The following ADAMTS9 variants were observed in gnomAD, a reference collection of about 807,000 sequenced individuals.
ADAMTS9 encodes A disintegrin and metalloproteinase with thrombospondin motifs 9.
A neutral mutation model predicts 257.1 loss-of-function variants in ADAMTS9; 107 were observed. That is an observed-to-expected ratio of 0.42 (90% confidence interval 0.36 to 0.49). The LOEUF is 0.49. ADAMTS9 is among the 20% of genes least tolerant of loss of function. The pLI is 0.03. For missense variants in ADAMTS9, 2,353 were observed against 2,469.1 expected, an observed-to-expected ratio of 0.95 and a Z score of 1.00; for synonymous variants, 982 against 880.9, an observed-to-expected ratio of 1.11 and a Z score of -2.03.
At chr3:64,548,599 G>A (rs1260434444) in intron 31 of ADAMTS9, among the ~76,000 whole-genome samples, 1 of 151,674 alleles carries the variant, frequency 6.6e-6, no homozygotes, top group Non-Finnish European at 1.5e-5. Context: ...ATTTATGTGG[G>A]GGGGAGCCCA....
chr3:64,530,085 A>G (rs1230804981), intron 38 of ADAMTS9, among the ~76,000 whole-genome samples: 3 of 135,826 alleles, frequency 2.2e-5, no homozygotes, highest in Non-Finnish European at 3.0e-5. Flanking sequence ...CAGCCTTCCC[A>G]AGTGCTGGGA....
intron 30 of ADAMTS9, among the ~76,000 whole-genome samples, chr3:64,552,933 A>T: frequency 6.6e-6 from 1 of 151,862 alleles, no homozygotes; most frequent in African/African-American, 2.4e-5. Flanking sequence ...TTTTCATCTA[A>T]TGGGCAGCCT....
At chr3:64,532,026 TC>T (rs1272380219) in intron 38 of ADAMTS9, among the ~76,000 whole-genome samples, 2 of 152,036 alleles carry the variant, frequency 1.3e-5, no homozygotes, top group African/African-American at 4.8e-5. Flanking sequence ...TCCTGCCAGG[TC>T]CCCCCACCCT....
At chr3:64,555,810 A>G (rs1326831280) in intron 30 of ADAMTS9, among the ~76,000 whole-genome samples, 1 of 152,116 alleles carries the variant, frequency 6.6e-6, no homozygotes, top group Non-Finnish European at 1.5e-5. Flanking sequence ...GAGAAATGGC[A>G]TGGGTGGAGA....
chr3:64,622,413 T>C lies in ADAMTS9; in HGVS notation c.2556+7A>G, dbSNP rs976612261. The C allele has an allele frequency of 6.2e-7, 1 of 1,613,780 alleles. No individual in the cohort carries two copies. The highest frequency in any genetic ancestry group is 1.7e-5 in the Admixed American group (1 of 59,980). On this transcript the variant is annotated splice_region_variant and intron_variant, in intron 17 of 39. Transcript: ENST00000498707. Reference sequence around the variant, plus strand: ...AAAGGGTGGTGGGCTCATGGTCAAGTTTTTACCTGAAGCAAAAGTTCTTGC... The same window carrying C: ...AAAGGGTGGTGGGCTCATGGTCAAGCTTTTACCTGAAGCAAAAGTTCTTGC...
Position 64,687,429 on chromosome 3 carries a change from A to T in ADAMTS9, c.115+114T>A. On this transcript the variant is annotated intron_variant, in intron 1 of 39. Coordinates refer to ENST00000498707, the MANE Select transcript of ADAMTS9 (RefSeq NM_182920.2). This position sits in a 1 kb window ranked among gnomAD's most constrained non-coding sequence, Gnocchi z 4.4. ...AGGGAGAGGCTGCAAAGCGGGAGAT[A>T]ATTCTTTCTAGGAAAAGGAGAGAAG... 1.2e-6 allele frequency: 1 copy of T among 865,710 alleles called. No homozygotes were observed. Among genetic ancestry groups the T allele is most frequent in the Non-Finnish European group, 1.7e-6 (1 of 584,188 alleles). 53.6% of individuals were successfully genotyped at this position (865,710 alleles called of 1,614,324 possible).
At position 64,623,243 on chromosome 3, in the gene ADAMTS9, C is replaced by T. The variant is rs185160013; in HGVS notation, c.2390-657G>A. 3.3e-5 allele frequency among the ~76,000 whole-genome samples: 5 copies of T among 152,290 alleles called. No individual in the cohort carries two copies. In the East Asian group the frequency reaches 7.7e-4, roughly 24 times the overall value. ...CTAGGACAATGCAGAAACAACAGAA[C>T]CTGACTTCTAAGGCAAGGCCAAAGG... On this transcript the variant is annotated intron_variant, in intron 16 of 39. Transcript: ENST00000498707.
chr3:64,528,460 G>A (rs1196581780), intron 38 of ADAMTS9, among the ~76,000 whole-genome samples: 1 of 152,170 alleles, frequency 6.6e-6, no homozygotes, highest in Non-Finnish European at 1.5e-5. Flanking sequence ...TATCTAAGCA[G>A]AGTGAGGAGA....
rs34954296 is a variant in ADAMTS9 at position 64,604,284 on chromosome 3, C to T, written c.3522G>A (p.Thr1174=). The T allele has an allele frequency of 0.01, 16,361 of 1,613,204 alleles. 1,443 individuals carry two copies. In the African/African-American group the frequency reaches 0.19, roughly 19 times the overall value. ...SCHPPPAAPE[T]RRSTYSAPRT... Reference sequence around the variant, plus strand: ...TTGGTGCACTGTATGTGCTTCTCCTCGTTTCCGGGGCAGCTGGGGGAGGAT... The same window carrying T: ...TTGGTGCACTGTATGTGCTTCTCCTTGTTTCCGGGGCAGCTGGGGGAGGAT... Residue 1174 remains threonine, a synonymous_variant, in exon 24 of 40, where the codon ACG becomes ACA. Coordinates refer to ENST00000498707, the MANE Select transcript of ADAMTS9 (RefSeq NM_182920.2).
Position 64,684,379 on chromosome 3 carries a change from G to C in ADAMTS9, c.516+2189C>G, listed in dbSNP as rs145587650. Among the ~76,000 whole-genome samples the C allele has an allele frequency of 4.8e-4, 69 of 145,032 alleles. 1 individual carries two copies. In the Middle Eastern group the frequency reaches 0.011, roughly 23 times the overall value. ...ATGAAATTCAGAAAAACTGACAACT[G>C]ACTAGGGGTGGCAGGATGGCACAGC... is the stretch of plus-strand genomic sequence containing the variant. On this transcript the variant is annotated intron_variant, in intron 2 of 39. Transcript: ENST00000498707.
intron 37 of ADAMTS9, among the ~76,000 whole-genome samples, chr3:64,538,195 A>T (rs1434653271): frequency 6.6e-6 from 1 of 152,182 alleles, no homozygotes; most frequent in Non-Finnish European, 1.5e-5. Flanking sequence ...TTAACCTGTC[A>T]TCCTCTCTAA....
intron 16 of ADAMTS9, among the ~76,000 whole-genome samples, chr3:64,626,967 T>A (rs1402958597): frequency 6.6e-6 from 1 of 152,328 alleles, no homozygotes; most frequent in Non-Finnish European, 1.5e-5. Context: ...CCGTGGCACC[T>A]TGGGCATCCT....
At position 64,616,033 on chromosome 3, in the gene ADAMTS9, G is replaced by C. The variant is rs755853012; in HGVS notation, c.2951C>G (p.Pro984Arg). Residue 984 changes from proline to arginine, a missense_variant, in exon 20 of 40, where the codon CCC becomes CGC. Pro to Arg is a moderately radical substitution (Grantham distance 103). Around this residue, in one of 3 missense-constraint regions of ADAMTS9, gnomAD observed 1,402 missense variants for 1,441.4 expected, o/e 0.97. Coordinates refer to ENST00000498707, the MANE Select transcript of ADAMTS9 (RefSeq NM_182920.2). ...GCATTTTTCACGGTTGCTTGGTTTG[G>C]GATGGCTGCTGCAAAAACCATCATC... Reference protein sequence around the residue: ...KVDDGFCSSHPKPSNREKCSG... With the variant: ...KVDDGFCSSHRKPSNREKCSG... The C allele has an allele frequency of 6.2e-7, 1 of 1,613,904 alleles. No homozygotes were observed. The highest frequency in any genetic ancestry group is 1.7e-5 in the Admixed American group (1 of 59,990).
intron 39 of ADAMTS9, among the ~76,000 whole-genome samples, chr3:64,518,660 C>T (rs1229822264): frequency 6.6e-6 from 1 of 151,928 alleles, no homozygotes; most frequent in East Asian, 1.9e-4. Context: ...ATTCTTGGAC[C>T]ACACCATGAG....
chr3:64,536,890 C>T (rs1168376862), intron 37 of ADAMTS9, among the ~76,000 whole-genome samples: 5 of 152,176 alleles, frequency 3.3e-5, no homozygotes, highest in Admixed American at 3.3e-4. Flanking sequence ...TTAATAAATA[C>T]ATCCACAAAG....
intron 28 of ADAMTS9, among the ~76,000 whole-genome samples, chr3:64,593,622 A>G (rs116068086): frequency 0.014 from 2,176 of 152,332 alleles, 54 homozygotes; most frequent in African/African-American, 0.049. Context: ...AAGGAAGACT[A>G]GGACCAAAGC....
At chr3:64,659,863 T>C (rs1408435608) in intron 3 of ADAMTS9, among the ~76,000 whole-genome samples, 2 of 152,046 alleles carry the variant, frequency 1.3e-5, no homozygotes, top group South Asian at 2.1e-4. Flanking sequence ...ACCAGCAAAA[T>C]TGACAATTAG....
intron 16 of ADAMTS9, among the ~76,000 whole-genome samples, chr3:64,629,352 C>T (rs1286210903): frequency 6.6e-6 from 1 of 152,144 alleles, no homozygotes; most frequent in Non-Finnish European, 1.5e-5. Flanking sequence ...GTCTCTGAGT[C>T]CAAGCCAAAG....
At chr3:64,569,759 T>A (rs1238020669) in intron 28 of ADAMTS9, among the ~76,000 whole-genome samples, 1 of 152,226 alleles carries the variant, frequency 6.6e-6, no homozygotes, top group African/African-American at 2.4e-5. Context: ...TGGCTTTAAT[T>A]TTTTTAACTT....
Sources: allele counts gnomAD v4.1 joint callset (sites outside exome capture counted in the v4.1 genomes callset), GRCh38; gene constraint gnomAD v4.1.1; regional missense constraint gnomAD v4.1.1; non-coding constraint Gnocchi (gnomAD v3.1); transcripts MANE v1.5; gene names NCBI Gene and HGNC (gene_info 2026-07-23, HGNC 2026-07-21).